Variants in MACROD2 observed in about 807,000 individuals in gnomAD.
MACROD2 encodes mono-ADP ribosylhydrolase 2.
In MACROD2, 36 loss-of-function variants were observed where a neutral mutation model predicts 70.4. That is an observed-to-expected ratio of 0.51 (90% CI 0.39 to 0.68). MACROD2 has a LOEUF of 0.68. MACROD2 is among the 30% of genes least tolerant of loss of function. The probability of loss-of-function intolerance (pLI) is 0.00; values close to 1 mark genes in which losing one functional copy is unlikely to be tolerated. For synonymous variants in MACROD2, 172 were observed against 178.8 expected, an observed-to-expected ratio of 0.96 and a Z score of 0.30; for missense variants, 496 against 538.4, an observed-to-expected ratio of 0.92 and a Z score of 0.78.
intron 3 of MACROD2, chr20:14,127,358 C>G (rs2054664356): frequency 5.7e-6 from 2 of 350,474 alleles, no homozygotes; most frequent in Admixed American, 4.8e-5. Flanking sequence ...GCTGTCCCTA[C>G]TTGCTTCTTG....
intron 3 of MACROD2, among the ~76,000 whole-genome samples, chr20:14,360,544 C>G (rs935208300): frequency 6.6e-6 from 1 of 152,154 alleles, no homozygotes; most frequent in Non-Finnish European, 1.5e-5. Flanking sequence ...GTCTGACCTG[C>G]ACTGCTGTTT....
At chr20:15,875,512 G>C (rs911889619) in intron 9 of MACROD2, among the ~76,000 whole-genome samples, 6 of 152,124 alleles carry the variant, frequency 3.9e-5, no homozygotes, top group Admixed American at 3.3e-4. Context: ...TTAGGAAATA[G>C]GTGCTAACCA....
At chr20:14,134,811 A>AC (rs1051683028) in intron 3 of MACROD2, among the ~76,000 whole-genome samples, 1 of 149,814 alleles carries the variant, frequency 6.7e-6, no homozygotes, top group Non-Finnish European at 1.5e-5. Context: ...CAAAAAAAAA[A>AC]AAAAAAAAAA....
chr20:15,163,567 AT>A (rs2076362859), intron 5 of MACROD2, among the ~76,000 whole-genome samples: 1 of 152,042 alleles, frequency 6.6e-6, no homozygotes, highest in Admixed American at 6.6e-5. Context: ...AGAAATTAAT[AT>A]TTTCTGGGAT....
chr20:15,111,484 C>T (rs1321283541), intron 5 of MACROD2, among the ~76,000 whole-genome samples: 1 of 152,022 alleles, frequency 6.6e-6, no homozygotes, highest in East Asian at 1.9e-4. Flanking sequence ...AGTGTGTTTT[C>T]TATTATTATT....
chr20:15,783,208 C>A (rs927496296), intron 8 of MACROD2, among the ~76,000 whole-genome samples: 4 of 152,066 alleles, frequency 2.6e-5, no homozygotes, highest in African/African-American at 9.7e-5. Flanking sequence ...TGTCTCGATT[C>A]TCCTTGAGAC....
At chr20:14,279,708 A>G (rs2082290206) in intron 3 of MACROD2, among the ~76,000 whole-genome samples, 2 of 152,184 alleles carry the variant, frequency 1.3e-5, no homozygotes, top group Non-Finnish European at 2.9e-5. Context: ...ATTGTAACCT[A>G]TCTTTTCTTT....
intron 3 of MACROD2, among the ~76,000 whole-genome samples, chr20:14,204,210 T>C (rs563097478): frequency 6.6e-6 from 1 of 152,242 alleles, no homozygotes; most frequent in Non-Finnish European, 1.5e-5. Flanking sequence ...AATGCATGCT[T>C]CAACTTCCTT....
chr20:14,714,770 G>A (rs959288760), intron 5 of MACROD2, among the ~76,000 whole-genome samples: 2 of 152,076 alleles, frequency 1.3e-5, no homozygotes, highest in African/African-American at 2.4e-5. Flanking sequence ...CCTTGACTAG[G>A]TCAGATCCCC....
intron 8 of MACROD2, among the ~76,000 whole-genome samples, chr20:15,573,500 A>G (rs1446278479): frequency 6.6e-6 from 1 of 152,164 alleles, no homozygotes; most frequent in African/African-American, 2.4e-5. Flanking sequence ...AGGCATAGAA[A>G]GAAGACAGCC....
At chr20:15,677,384 T>C (rs902898528) in intron 8 of MACROD2, among the ~76,000 whole-genome samples, 3 of 151,560 alleles carry the variant, frequency 2.0e-5, no homozygotes, top group African/African-American at 7.3e-5. Flanking sequence ...TGGGGGGAAG[T>C]GGGGTGGAGG....
In MACROD2 at chr20:15,056,846, CAT is replaced by C. The variant is rs574178287; in HGVS notation, c.419-173090_419-173089del. On this transcript the variant is annotated intron_variant, in intron 5 of 17. Coordinates refer to ENST00000684519, the MANE Select transcript of MACROD2 (RefSeq NM_001351661.2). ...ATCACAACAACAAATAAGAACTAAT[CAT>C]ATAACTTTCAGATATCAGGAGAAAC... 1.2e-4 allele frequency among the ~76,000 whole-genome samples: 18 copies of C among 152,228 alleles called. No homozygotes were observed. The East Asian group carries it at 3.5e-3, about 29-fold the overall frequency.
intron 2 of MACROD2, 73 bp downstream of exon 2, chr20:14,002,477 C>G: frequency 1.2e-6 from 1 of 856,278 alleles, no homozygotes; most frequent in South Asian, 1.6e-5. Context: ...AAATGAATAA[C>G]TGGCGTTCAA....
chr20:15,694,711 C>G (rs1747762950), intron 8 of MACROD2, among the ~76,000 whole-genome samples: 1 of 152,094 alleles, frequency 6.6e-6, no homozygotes, highest in African/African-American at 2.4e-5. Context: ...TGCAAAAGCT[C>G]TTTAGTATAA....
intron 13 of MACROD2, among the ~76,000 whole-genome samples, chr20:15,985,312 G>T (rs1281096989): frequency 6.6e-6 from 1 of 152,114 alleles, no homozygotes; most frequent in Non-Finnish European, 1.5e-5. Flanking sequence ...ACCATTTATA[G>T]TAAGCCAAAA....
chr20:14,641,784 T>G (rs1985112857), intron 4 of MACROD2, among the ~76,000 whole-genome samples: 2 of 152,224 alleles, frequency 1.3e-5, no homozygotes, highest in African/African-American at 4.8e-5. Context: ...GCAGATATGC[T>G]GTCATCCAGA....
chr20:15,191,962 A>G (rs949348224), intron 5 of MACROD2, among the ~76,000 whole-genome samples: 4 of 147,956 alleles, frequency 2.7e-5, no homozygotes, highest in Non-Finnish European at 4.5e-5. Flanking sequence ...CATATATACA[A>G]CTTTATATAG....
At chr20:15,927,549 C>T (rs1200523611) in intron 10 of MACROD2, among the ~76,000 whole-genome samples, 6 of 151,992 alleles carry the variant, frequency 3.9e-5, no homozygotes, top group Admixed American at 6.6e-5. Context: ...TCGAATACGA[C>T]GGTATGACGT....
chr20:16,032,813 G>A (rs1278395604), intron 15 of MACROD2, among the ~76,000 whole-genome samples: 1 of 149,706 alleles, frequency 6.7e-6, no homozygotes, highest in Admixed American at 6.7e-5. Flanking sequence ...GGAGGGAAGG[G>A]GAGGAAAAAA....
Sources: allele counts gnomAD v4.1 joint callset (sites outside exome capture counted in the v4.1 genomes callset), GRCh38; gene constraint gnomAD v4.1.1; transcripts MANE v1.5; gene names NCBI Gene and HGNC (gene_info 2026-07-23, HGNC 2026-07-21).